Variants in ABCC9 observed in about 807,000 individuals in gnomAD.
The protein encoded by ABCC9 is ATP binding cassette subfamily C member 9, also known as ATP-binding cassette sub-family C member 9.
In ABCC9, 95 loss-of-function variants were observed where a neutral mutation model predicts 188.3. The ratio of observed to expected loss-of-function variants is 0.50; its 90% CI spans 0.43 to 0.60. ABCC9 has a LOEUF of 0.60. Among genes scored for constraint, ABCC9 ranks in the 20% least tolerant of loss-of-function variants. ABCC9 has a pLI of 0.00. For missense variants in ABCC9, 1,102 were observed against 1,876.3 expected (o/e 0.59, Z 7.62); for synonymous variants, 659 against 652.7 (o/e 1.01, Z -0.15).
chr12:21,871,600 C>T (rs556070844), intron 18 of ABCC9, among the ~76,000 whole-genome samples: 9 of 152,202 alleles, frequency 5.9e-5, no homozygotes, highest in Admixed American at 1.3e-4. Context: ...AACTCAGCCA[C>T]GGTGGAATTC....
chr12:21,826,354 A>G (rs1943378972), intron 31 of ABCC9, among the ~76,000 whole-genome samples: 1 of 152,132 alleles, frequency 6.6e-6, no homozygotes, highest in African/African-American at 2.4e-5. Flanking sequence ...CCAAGGTACT[A>G]TATCTCAACT....
chr12:21,849,857 A>T (rs1353412936), intron 24 of ABCC9, among the ~76,000 whole-genome samples: 1 of 152,164 alleles, frequency 6.6e-6, no homozygotes, highest in African/African-American at 2.4e-5. Context: ...ATAATGGTTC[A>T]TGTCATTTAA....
chr12:21,852,588 A>G, intron 22 of ABCC9, 83 bp from the exon 23 acceptor site: 1 of 1,490,900 alleles, frequency 6.7e-7, no homozygotes, highest in Non-Finnish European at 9.2e-7. Flanking sequence ...AGTAATACAA[A>G]TAACTAAGGG....
At chr12:21,852,796 G>A (rs1185411178) in intron 22 of ABCC9, among the ~76,000 whole-genome samples, 2 of 151,830 alleles carry the variant, frequency 1.3e-5, no homozygotes, top group East Asian at 3.9e-4. Flanking sequence ...AGGGCCAGGA[G>A]AAAAACAAAC....
chr12:21,843,186 T>G (rs1156966048), intron 28 of ABCC9, among the ~76,000 whole-genome samples: 1 of 152,196 alleles, frequency 6.6e-6, no homozygotes, highest in Non-Finnish European at 1.5e-5. Flanking sequence ...CTACATTACT[T>G]TATAGCTTTA....
At chr12:21,932,442 C>G (rs1033474061) in intron 4 of ABCC9, among the ~76,000 whole-genome samples, 1 of 151,794 alleles carries the variant, frequency 6.6e-6, no homozygotes, top group East Asian at 1.9e-4. Context: ...CTAAAGAGCT[C>G]CTGCACAGCA....
At chr12:21,803,424 G>A (rs939125524) in intron 39 of ABCC9, among the ~76,000 whole-genome samples, 15 of 151,966 alleles carry the variant, frequency 9.9e-5, no homozygotes, top group African/African-American at 1.4e-4. Context: ...TTGGGAGGGC[G>A]AGGCGGGCGG....
chr12:21,898,796 A>G (rs1231123350), intron 12 of ABCC9, among the ~76,000 whole-genome samples: 1 of 152,200 alleles, frequency 6.6e-6, no homozygotes, highest in Non-Finnish European at 1.5e-5. Flanking sequence ...TTGAGGGAAA[A>G]AACAATATTT....
At chr12:21,864,061 A>G (rs1444402052) in intron 19 of ABCC9, among the ~76,000 whole-genome samples, 3 of 151,914 alleles carry the variant, frequency 2.0e-5, no homozygotes, top group Non-Finnish European at 4.4e-5. Flanking sequence ...TAAGTAGATA[A>G]AGCACTTGGC....
chr12:21,826,004 C>T (rs149131597), intron 31 of ABCC9, among the ~76,000 whole-genome samples: 1 of 152,194 alleles, frequency 6.6e-6, no homozygotes, highest in East Asian at 1.9e-4. Context: ...CTCCCATTTC[C>T]ATTATGGCTC....
chr12:21,937,928 T>C (rs1238542936), intron 2 of ABCC9: 1 of 152,180 alleles, frequency 6.6e-6, no homozygotes, highest in Admixed American at 6.5e-5. Context: ...GATTTTAACC[T>C]CACTAGACCT....
intron 25 of ABCC9, among the ~76,000 whole-genome samples, chr12:21,847,007 C>T (rs983293535): frequency 1.3e-5 from 2 of 151,870 alleles, no homozygotes; most frequent in African/African-American, 4.8e-5. Context: ...AAGGAAGTAC[C>T]CTCTACTTCT....
At chr12:21,808,806 A>G (rs536779024) in intron 37 of ABCC9, among the ~76,000 whole-genome samples, 16 of 151,608 alleles carry the variant, frequency 1.1e-4, no homozygotes, top group Non-Finnish European at 2.4e-4. Context: ...AAAAGAAAAA[A>G]TCATTATGGA....
chr12:21,936,564 C>T lies in ABCC9; in HGVS notation c.111G>A (p.Leu37=), dbSNP rs1301510153. The T allele has an allele frequency of 6.2e-7, 1 of 1,612,532 alleles. No homozygotes were observed. Among genetic ancestry groups the T allele is most frequent in the Non-Finnish European group, 8.5e-7 (1 of 1,179,158 alleles). The change falls in exon 3 of 40, where the codon CTG becomes CTA. Residue 37 remains leucine (L), a synonymous_variant. Coordinates refer to ENST00000261200, the MANE Select transcript of ABCC9 (RefSeq NM_020297.4). Reference sequence around the variant, plus strand: ...ACAATATTGGAAAAGTGATAAACAACAGAAAGACATGAGGGACCAGGTTGA... The same window carrying T: ...ACAATATTGGAAAAGTGATAAACAATAGAAAGACATGAGGGACCAGGTTGA... ...DALNLVPHVF[L]LFITFPILFI...
Position 21,894,090 on chromosome 12 carries a change from C to G in ABCC9, c.1744G>C (p.Val582Leu), listed in dbSNP as rs1394689884. The stretch of plus-strand genomic sequence containing the variant: ...GTGGAGAGCAGGAACAGTGGTGTGA[C>G]CAGGATATGGAAGAGAGACAGTGAA... ...FASLSLFHIL[V>L]TPLFLLSTVV... The change falls in exon 14 of 40, where the codon GTC becomes CTC. Residue 582 changes from valine (V) to leucine (L), a missense_variant. By Grantham distance (32) the Val-to-Leu change is conservative (BLOSUM62 1). This residue lies in a region of ABCC9 where 258 missense variants were observed against 325.6 expected (regional missense o/e 0.79). Transcript: ENST00000261200. The G allele has an allele frequency of 6.2e-7, 1 of 1,613,940 alleles. No individual in the cohort carries two copies. Among genetic ancestry groups the G allele is most frequent in the Non-Finnish European group, 8.5e-7 (1 of 1,179,984 alleles).
At chr12:21,890,892 G>C (rs150142303) in intron 14 of ABCC9, among the ~76,000 whole-genome samples, 309 of 151,980 alleles carry the variant, frequency 2.0e-3, no homozygotes, top group African/African-American at 6.9e-3. Context: ...AATGGGTGCA[G>C]CACACCAACA....
chr12:21,919,393 A>G (rs966690588), intron 5 of ABCC9, among the ~76,000 whole-genome samples: 1 of 152,022 alleles, frequency 6.6e-6, no homozygotes, highest in African/African-American at 2.4e-5. Flanking sequence ...AAATATCATG[A>G]ATAACATTAT....
chr12:21,891,113 C>T (rs1334314410), intron 14 of ABCC9, among the ~76,000 whole-genome samples: 10 of 152,256 alleles, frequency 6.6e-5, no homozygotes, highest in African/African-American at 2.2e-4. Flanking sequence ...TAATTAGTTT[C>T]CCTTCCTGGT....
At chr12:21,848,287 A>G (rs1944787256) in intron 24 of ABCC9, 41 bp from the exon 25 acceptor site, 1 of 1,550,590 alleles carries the variant, frequency 6.4e-7, no homozygotes, top group Admixed American at 1.7e-5. Flanking sequence ...AGCTAACACC[A>G]ATAGGTTGTG....
Sources: allele counts gnomAD v4.1 joint callset (sites outside exome capture counted in the v4.1 genomes callset), GRCh38; gene constraint gnomAD v4.1.1; regional missense constraint gnomAD v4.1.1; transcripts MANE v1.5; gene names NCBI Gene and HGNC (gene_info 2026-07-23, HGNC 2026-07-21).